The following DPP10 variants were observed in gnomAD, a reference collection of about 807,000 sequenced individuals.
The protein encoded by DPP10 is inactive dipeptidyl peptidase 10.
Under a neutral mutation model 120.9 loss-of-function variants are expected in DPP10, and 33 were observed. The ratio of observed to expected loss-of-function variants is 0.27; its 90% confidence interval spans 0.21 to 0.37. DPP10 has a LOEUF of 0.37. Ranked by LOEUF, DPP10 falls within the 10% of genes least tolerant of loss-of-function variation. DPP10 has a pLI of 1.00. For missense variants in DPP10, 816 were observed against 942.8 expected, an observed-to-expected ratio of 0.87 and a Z score of 1.76; for synonymous variants, 337 against 326.1, an observed-to-expected ratio of 1.03 and a Z score of -0.36.
intron 1 of DPP10, among the ~76,000 whole-genome samples, chr2:115,269,017 C>A (rs971381249): frequency 5.9e-5 from 9 of 152,154 alleles, no homozygotes; most frequent in Admixed American, 5.9e-4. Flanking sequence ...CGTGGTGGCA[C>A]GCACCTGTAG....
chr2:114,477,316 G>A (rs1680496328), intron 1 of DPP10, among the ~76,000 whole-genome samples: 1 of 152,158 alleles, frequency 6.6e-6, no homozygotes, highest in Middle Eastern at 3.4e-3. Context: ...ATGTTTGTGA[G>A]ATCCATACGT....
At chr2:115,286,267 G>T (rs1230878413) in intron 1 of DPP10, among the ~76,000 whole-genome samples, 2 of 150,944 alleles carry the variant, frequency 1.3e-5, no homozygotes, top group Non-Finnish European at 3.0e-5. Flanking sequence ...TAATATTTTG[G>T]CTTCAAGATA....
At chr2:115,038,932 T>C in intron 1 of DPP10, among the ~76,000 whole-genome samples, 1 of 152,292 alleles carries the variant, frequency 6.6e-6, no homozygotes, top group Non-Finnish European at 1.5e-5. Flanking sequence ...ACCGAAGCCC[T>C]TAATCAAACA....
At chr2:115,562,319 G>C (rs1299127211) in intron 5 of DPP10, among the ~76,000 whole-genome samples, 1 of 151,994 alleles carries the variant, frequency 6.6e-6, no homozygotes, top group Non-Finnish European at 1.5e-5. Flanking sequence ...AATCCACGTG[G>C]CCTTAAAACC....
At chr2:115,442,875 G>A (rs907557754) in intron 3 of DPP10, among the ~76,000 whole-genome samples, 1 of 152,042 alleles carries the variant, frequency 6.6e-6, no homozygotes, top group African/African-American at 2.4e-5. Flanking sequence ...GAGTTGTCTC[G>A]AACAGTTCTG....
chr2:115,361,425 G>A (rs1211325382), intron 3 of DPP10, among the ~76,000 whole-genome samples: 1 of 152,028 alleles, frequency 6.6e-6, no homozygotes, highest in Non-Finnish European at 1.5e-5. Context: ...GCATGCTCTT[G>A]ATGGAGTGGT....
At chr2:114,521,478 A>G (rs1259939435) in intron 1 of DPP10, among the ~76,000 whole-genome samples, 1 of 152,208 alleles carries the variant, frequency 6.6e-6, no homozygotes, top group Admixed American at 6.5e-5. Context: ...GAAAGCGATT[A>G]GATACAATAT....
At chr2:114,982,175 A>G (rs1700129290) in intron 1 of DPP10, among the ~76,000 whole-genome samples, 1 of 152,144 alleles carries the variant, frequency 6.6e-6, no homozygotes, top group Non-Finnish European at 1.5e-5. Flanking sequence ...ATAAAAAAAC[A>G]CTTTCAATAA....
intron 1 of DPP10, among the ~76,000 whole-genome samples, chr2:115,155,382 G>A (rs1255029068): frequency 6.6e-6 from 1 of 152,136 alleles, no homozygotes; most frequent in East Asian, 1.9e-4. Flanking sequence ...TGAGTGGATG[G>A]CTTCTCCATG....
At chr2:115,576,632 G>C (rs561727586) in intron 5 of DPP10, among the ~76,000 whole-genome samples, 1 of 152,262 alleles carries the variant, frequency 6.6e-6, no homozygotes, top group Non-Finnish European at 1.5e-5. Flanking sequence ...ATTTGAAAAC[G>C]GTTGAGATGG....
At chr2:115,176,995 A>T (rs1041888357) in intron 1 of DPP10, among the ~76,000 whole-genome samples, 2 of 152,212 alleles carry the variant, frequency 1.3e-5, no homozygotes, top group African/African-American at 2.4e-5. Context: ...GTATAATTTT[A>T]TGTCTATCAA....
chr2:115,377,626 C>T (rs1044857100), intron 3 of DPP10, among the ~76,000 whole-genome samples: 2 of 152,114 alleles, frequency 1.3e-5, no homozygotes, highest in African/African-American at 4.8e-5. Context: ...AAGTCCTTGC[C>T]CATGCCTATG....
chr2:114,804,575 G>C (rs1042082130), intron 1 of DPP10, among the ~76,000 whole-genome samples: 4 of 152,196 alleles, frequency 2.6e-5, no homozygotes, highest in Non-Finnish European at 5.9e-5. Context: ...GTGAGACCTG[G>C]AGTCAAATGA....
intron 2 of DPP10, among the ~76,000 whole-genome samples, chr2:115,334,230 G>GTTTTTTTTTTTTTTTTTTTTTTTTTTTGT: frequency 1.8e-5 from 1 of 56,410 alleles, no homozygotes; most frequent in Non-Finnish European, 4.0e-5. Context: ...AGCAGACTCT[G>GTTTTTTTTTTTTTTTTTTTTTTTTTTTGT]TTTTTTTTTT....
chr2:114,763,344 CTT>C (rs1032991809), intron 1 of DPP10, among the ~76,000 whole-genome samples: 2 of 152,170 alleles, frequency 1.3e-5, no homozygotes, highest in African/African-American at 4.8e-5. Context: ...AGGTCTCACT[CTT>C]TTTCTTTTTC....
chr2:115,541,947 A>C (rs2079196032), intron 5 of DPP10, among the ~76,000 whole-genome samples: 1 of 151,988 alleles, frequency 6.6e-6, no homozygotes, highest in Non-Finnish European at 1.5e-5. Context: ...ACAAATTTGC[A>C]AATGAGTATA....
At chr2:115,379,116 C>T (rs2066064988) in intron 3 of DPP10, among the ~76,000 whole-genome samples, 1 of 152,258 alleles carries the variant, frequency 6.6e-6, no homozygotes, top group East Asian at 1.9e-4. Context: ...GGAATAGTTT[C>T]AGAAGGAATG....
intron 1 of DPP10, among the ~76,000 whole-genome samples, chr2:115,116,745 T>C (rs2049528055): frequency 6.6e-6 from 1 of 152,210 alleles, no homozygotes; most frequent in African/African-American, 2.4e-5. Context: ...ATTTCCTAAC[T>C]ATTGATCTTA....
At chr2:115,375,962 C>A (rs1377894724) in intron 3 of DPP10, among the ~76,000 whole-genome samples, 1 of 152,188 alleles carries the variant, frequency 6.6e-6, no homozygotes, top group East Asian at 1.9e-4. Context: ...AGAACCAAAC[C>A]ATGTCACTAG....
Sources: allele counts gnomAD v4.1 joint callset (sites outside exome capture counted in the v4.1 genomes callset), GRCh38; gene constraint gnomAD v4.1.1; transcripts MANE v1.5; gene names NCBI Gene and HGNC (gene_info 2026-07-23, HGNC 2026-07-21).